Variants in FOXN3 observed in about 807,000 individuals in gnomAD.
FOXN3 encodes the protein forkhead box N3.
FOXN3 carries 7 observed loss-of-function variants against 38.4 expected under a neutral mutation model. That is an observed-to-expected ratio of 0.18 (90% CI 0.10 to 0.34). The LOEUF is 0.34. Among genes scored for constraint, FOXN3 ranks in the 10% least tolerant of loss-of-function variants. FOXN3 has a pLI of 1.00. For missense variants in FOXN3, 456 were observed against 613.4 expected (o/e 0.74, Z 2.71); for synonymous variants, 230 against 242.2 (o/e 0.95, Z 0.47).
chr14:89,233,382 T>C (rs1884877730), intron 4 of FOXN3, among the ~76,000 whole-genome samples: 1 of 152,186 alleles, frequency 6.6e-6, no homozygotes, highest in South Asian at 2.1e-4. Context: ...ATTTTGTAAA[T>C]TCTATACTCT....
At chr14:89,291,095 G>T in intron 3 of FOXN3, 1 of 509,428 alleles carries the variant, frequency 2.0e-6, no homozygotes, top group Non-Finnish European at 3.9e-6. Flanking sequence ...CATGTTTGTA[G>T]CCCTTTAAGA....
chr14:89,559,861 C>T, intron 1 of FOXN3, among the ~76,000 whole-genome samples: 1 of 151,982 alleles, frequency 6.6e-6, no homozygotes, highest in East Asian at 1.9e-4. Flanking sequence ...CACCCGAGCT[C>T]TCAGATACAC....
intron 1 of FOXN3, among the ~76,000 whole-genome samples, chr14:89,528,483 G>A (rs1259506402): frequency 3.8e-5 from 5 of 130,962 alleles, no homozygotes; most frequent in Admixed American, 9.5e-5. Flanking sequence ...CGCAACCTCC[G>A]CCTCCCGGGT....
chr14:89,170,161 G>C (rs1887350767), intron 5 of FOXN3, among the ~76,000 whole-genome samples: 1 of 152,162 alleles, frequency 6.6e-6, no homozygotes. Flanking sequence ...CCATCAGGAA[G>C]ATAAAACCAT....
intron 2 of FOXN3, among the ~76,000 whole-genome samples, chr14:89,392,807 AT>A (rs35499441): frequency 2.9e-3 from 382 of 133,846 alleles, no homozygotes; most frequent in African/African-American, 5.6e-3. Flanking sequence ...CGCCCAGCTA[AT>A]TTTTTTTTTT....
At chr14:89,554,432 G>A (rs566781677) in intron 1 of FOXN3, among the ~76,000 whole-genome samples, 2 of 152,002 alleles carry the variant, frequency 1.3e-5, no homozygotes, top group East Asian at 1.9e-4. Flanking sequence ...CACCACACAC[G>A]GCCTCTTTCT....
At position 89,611,730 on chromosome 14, in the gene FOXN3, T is replaced by C. The variant is rs184280230; in HGVS notation, c.-15+7298A>G. 1.1e-3 allele frequency among the ~76,000 whole-genome samples: 154 copies of C among 140,252 alleles called. 2 individuals are homozygous for C. The highest frequency in any genetic ancestry group is 2.5e-3 in the East Asian group (12 of 4,834). The allele number at this position is 140,252 out of a possible 152,430, so 92.0% of individuals were successfully genotyped here. A position where few individuals can be genotyped will look rare whatever the true frequency, so the allele number is the denominator to read the frequency against. On this transcript the variant is annotated intron_variant, in intron 1 of 6. Coordinates refer to the FOXN3 transcript ENST00000345097. ...CTGAGGCAGGAGAACGGCGTGAACC[T>C]GGGAGGCGGAGCTTGCAGTGAGCCG...
chr14:89,210,408 G>T (rs1466148040), intron 4 of FOXN3, among the ~76,000 whole-genome samples: 1 of 152,078 alleles, frequency 6.6e-6, no homozygotes, highest in Admixed American at 6.5e-5. Context: ...TTCCTGTACA[G>T]CCTGCAGAAC....
chr14:89,601,717 C>T (rs938577337), intron 1 of FOXN3, among the ~76,000 whole-genome samples: 1 of 151,862 alleles, frequency 6.6e-6, no homozygotes, highest in African/African-American at 2.4e-5. Flanking sequence ...TTATGGGAGG[C>T]CTAAAACCAA....
intron 1 of FOXN3, among the ~76,000 whole-genome samples, chr14:89,547,449 T>TTGTTTTTTGTGGGGTTTTTTG (rs1205645617): frequency 1.3e-5 from 2 of 151,322 alleles, no homozygotes; most frequent in African/African-American, 4.9e-5. Context: ...TGTTTGTTGT[T>TTGTTTTTTGTGGGGTTTTTTG]TGTTTTTTGT....
chr14:89,529,045 T>C, intron 1 of FOXN3, among the ~76,000 whole-genome samples: 1 of 152,322 alleles, frequency 6.6e-6, no homozygotes, highest in East Asian at 1.9e-4. Context: ...TTACCTGATA[T>C]GTTAAGACAT....
chr14:89,251,523 C>T (rs191690962), intron 4 of FOXN3, among the ~76,000 whole-genome samples: 24 of 152,328 alleles, frequency 1.6e-4, no homozygotes, highest in African/African-American at 5.5e-4. Flanking sequence ...CTAAATTCAA[C>T]TCTTACATAG....
At chr14:89,428,562 C>A (rs1892091802) in intron 1 of FOXN3, among the ~76,000 whole-genome samples, 1 of 152,210 alleles carries the variant, frequency 6.6e-6, no homozygotes, top group East Asian at 1.9e-4. Flanking sequence ...AGATTTGGCC[C>A]CCAAACAACC....
chr14:89,169,567 AC>A (rs1466341109), intron 5 of FOXN3, among the ~76,000 whole-genome samples: 3 of 152,128 alleles, frequency 2.0e-5, no homozygotes, highest in Non-Finnish European at 4.4e-5. Flanking sequence ...ACACAAAGAA[AC>A]AAAACCAGAA....
intron 1 of FOXN3, among the ~76,000 whole-genome samples, chr14:89,497,757 G>C (rs1209419261): frequency 6.6e-6 from 1 of 152,106 alleles, no homozygotes. Context: ...GAATATACCA[G>C]AAGTGGACTT....
intron 3 of FOXN3, among the ~76,000 whole-genome samples, chr14:89,340,539 A>C (rs903854489): frequency 1.3e-5 from 2 of 152,172 alleles, no homozygotes; most frequent in Non-Finnish European, 2.9e-5. Context: ...TTGACAAATA[A>C]TGCAACACGA....
At chr14:89,330,489 G>C (rs1888215730) in intron 3 of FOXN3, among the ~76,000 whole-genome samples, 1 of 152,236 alleles carries the variant, frequency 6.6e-6, no homozygotes, top group South Asian at 2.1e-4. Context: ...GTGAATCACT[G>C]TAACTTGTGG....
At chr14:89,190,302 G>T (rs1887909690) in intron 4 of FOXN3, 1 of 1,073,812 alleles carries the variant, frequency 9.3e-7, no homozygotes, top group Non-Finnish European at 1.4e-6. Flanking sequence ...TTTAGCATTA[G>T]TTCTTCCTAT....
intron 3 of FOXN3, among the ~76,000 whole-genome samples, chr14:89,288,342 G>A (rs1886700739): frequency 6.6e-6 from 1 of 152,094 alleles, no homozygotes; most frequent in African/African-American, 2.4e-5. Flanking sequence ...GTTGACACTG[G>A]AGACTCAACT....
Sources: allele counts gnomAD v4.1 joint callset (sites outside exome capture counted in the v4.1 genomes callset), GRCh38; gene constraint gnomAD v4.1.1; transcripts MANE v1.5; gene names NCBI Gene and HGNC (gene_info 2026-07-23, HGNC 2026-07-21).